INTS11: variants seen among roughly 807,000 people sequenced by gnomAD.
INTS11 encodes CPSF3-like protein.
INTS11 carries 77 observed loss-of-function variants against 78.6 expected under a neutral mutation model. The observed-to-expected ratio is 0.98, with a 90% CI of 0.81 to 1.18. INTS11 has a LOEUF of 1.18. Among genes scored for constraint, INTS11 ranks in the 50% most tolerant of loss-of-function variants. The pLI is 0.00. For synonymous variants in INTS11, 441 were observed against 326.9 expected (o/e 1.35, Z -3.77); for missense variants, 875 against 825.9 (o/e 1.06, Z -0.73).
chr1:1,320,615 G>A (rs1301076872), intron 2 of INTS11, 86 bp from the exon 3 acceptor site: 6 of 1,347,138 alleles, frequency 4.5e-6, no homozygotes, highest in Non-Finnish European at 3.2e-6. Flanking sequence ...GGGCCCCCAG[G>A]AAGGGGGGTT....
intron 4 of INTS11, among the ~76,000 whole-genome samples, chr1:1,318,085 T>C (rs1175469385): frequency 6.6e-6 from 1 of 152,062 alleles, no homozygotes; most frequent in Non-Finnish European, 1.5e-5. Context: ...TTAGCCAGGA[T>C]GGTCTCGATC....
chr1:1,319,185 T>C (rs1389526015), intron 4 of INTS11, 111 bp downstream of exon 4: 1 of 962,362 alleles, frequency 1.0e-6, no homozygotes, highest in Non-Finnish European at 1.7e-6. Context: ...TGAGGTGGGG[T>C]GGGCTCACCC....
chr1:1,315,185 A>C, intron 6 of INTS11: 1 of 719,268 alleles, frequency 1.4e-6, no homozygotes, highest in Non-Finnish European at 2.3e-6. Flanking sequence ...AGAGGCACCC[A>C]CCCAGAGACT....
rs1027229991 is a variant in INTS11, at chr1:1,312,091, G to A, written c.1664C>T (p.Ser555Phe). ...HLPDGSVTVE[S>F]VLLQAAAPSE... Reference sequence around the variant, plus strand: ...AGGGGCGGCGGCCTGGAGGAGGACGGACTCCACAGTCACAGAGCCGTCTGG... The same window carrying A: ...AGGGGCGGCGGCCTGGAGGAGGACGAACTCCACAGTCACAGAGCCGTCTGG... The change falls in exon 16 of 17, where the codon TCC (serine) becomes TTC (phenylalanine). Residue 555 changes from serine (S) to phenylalanine (F), a missense_variant. Ser to Phe is a radical substitution (Grantham distance 155). Transcript: ENST00000435064. 6.3e-7 allele frequency: 1 copy of A among 1,576,328 alleles called. No homozygotes were observed. Among genetic ancestry groups the A allele is most frequent in the African/African-American group, 1.3e-5 (1 of 74,688 alleles).
At chr1:1,316,836 A>AGGCGGGTGGATCAC (rs1359197231) in intron 4 of INTS11, 10 of 149,520 alleles carry the variant, frequency 6.7e-5, no homozygotes, top group Admixed American at 1.3e-4. Flanking sequence ...AGGCAGGAGA[A>AGGCGGGTGGATCAC]CTGCTTGAAC....
chr1:1,311,962 CAG>C (rs777098288), intron 16 of INTS11, 38 bp from the exon 17 acceptor site: 3 of 1,595,964 alleles, frequency 1.9e-6, no homozygotes, highest in Non-Finnish European at 1.7e-6. Context: ...TGGTGCAGGA[CAG>C]GGAGGAATGT....
intron 3 of INTS11, chr1:1,320,129 G>C (rs750171689): frequency 4.0e-5 from 12 of 300,712 alleles, no homozygotes; most frequent in Non-Finnish European, 7.6e-5. Flanking sequence ...CCTAAAGGCT[G>C]GGGTCAGGGC....
At chr1:1,323,313 G>A in intron 1 of INTS11, 1 of 1,536,694 alleles carries the variant, frequency 6.5e-7, no homozygotes, top group Non-Finnish European at 8.8e-7. Context: ...AGGACATCAG[G>A]ATGACTGGCC....
intron 1 of INTS11, 57 bp downstream of exon 1, chr1:1,324,524 C>A: frequency 6.5e-7 from 1 of 1,536,956 alleles, no homozygotes; most frequent in Admixed American, 1.8e-5. Context: ...GGCGCCCAGC[C>A]CGCCCGGAGC....
Position 1,321,027 on chromosome 1 carries a change from T to A in INTS11, c.95A>T (p.Asp32Val), listed in dbSNP as rs1325823066. The change falls in exon 2 of 17, where the codon GAC (aspartate) becomes GTC (valine). Residue 32 changes from aspartate (D) to valine (V), a missense_variant. Transcript: ENST00000435064. The part of the protein sequence containing the change: ...VSIAGKNVML[D>V]CGMHMGFNDD... The stretch of plus-strand genomic sequence containing the variant: ...ATTGAAGCCCATGTGCATTCCACAG[T>A]CCAGCATGACATTCTTGCCCGCAAT... 1 of 1,613,030 alleles carries A rather than the reference T, an allele frequency of 6.2e-7. No individual in the cohort carries two copies. The highest frequency in any genetic ancestry group is 8.5e-7 in the Non-Finnish European group (1 of 1,179,944).
At chr1:1,316,854 G>C (rs921557725) in intron 4 of INTS11, 1 of 149,952 alleles carries the variant, frequency 6.7e-6, no homozygotes, top group Non-Finnish European at 1.5e-5. Context: ...AACCCGGGAG[G>C]CGGAGGTTGC....
chr1:1,314,657 T>C lies in INTS11; in HGVS notation c.702+167A>G. On this transcript the variant is annotated intron_variant, in intron 7 of 16. Coordinates refer to ENST00000435064, the MANE Select transcript of INTS11 (RefSeq NM_017871.6). This position sits in a 1 kb window ranked among gnomAD's most constrained non-coding sequence, Gnocchi z 4.2. ...GGAAAAGGGGCTCCCTAGGAAAGGG[T>C]CTCTGAGTTTTCCTCCTCAATGTTG... 1.1e-6 allele frequency: 1 copy of C among 880,362 alleles called. No individual in the cohort carries two copies. Among genetic ancestry groups the C allele is most frequent in the Non-Finnish European group, 1.7e-6 (1 of 579,498 alleles). 54.5% of individuals were successfully genotyped at this position (880,362 alleles called of 1,614,324 possible).
chr1:1,313,465 T>C (rs1215309646), intron 10 of INTS11, 44 bp downstream of exon 10: 1 of 1,604,862 alleles, frequency 6.2e-7, no homozygotes, highest in Non-Finnish European at 8.5e-7. Flanking sequence ...GGACAACCCG[T>C]CGGCCTCCAG....
chr1:1,322,645 G>A (rs1643017419), intron 1 of INTS11: 2 of 127,364 alleles, frequency 1.6e-5, no homozygotes, highest in African/African-American at 3.1e-5. Flanking sequence ...CAGCAGGGAG[G>A]GACAGGCAGG....
Position 1,312,206 on chromosome 1 carries a change from G to GT in INTS11, c.1607+19_1607+20insA. The GT allele has an allele frequency of 4.3e-6, 5 of 1,161,212 alleles. No homozygotes were observed. Among genetic ancestry groups the GT allele is most frequent in the Non-Finnish European group, 6.1e-6 (5 of 826,254 alleles). 71.9% of individuals were successfully genotyped at this position (1,161,212 alleles called of 1,614,324 possible). On this transcript the variant is annotated intron_variant, in intron 15 of 16. Transcript: ENST00000435064. ...TCCAGGGCCCAAGGGAGTGGGGGGG[G>GT]GGCGGGGCCGGGCGCCCACCTCTTG...
At chr1:1,322,279 G>A (rs919981477) in intron 1 of INTS11, among the ~76,000 whole-genome samples, 7 of 151,574 alleles carry the variant, frequency 4.6e-5, no homozygotes, top group Admixed American at 2.6e-4. Flanking sequence ...CCCGCCTCCC[G>A]ACAGGACCCA....
chr1:1,314,766 C>G lies in INTS11; in HGVS notation c.702+58G>C, dbSNP rs1642473408. On this transcript the variant is annotated intron_variant, in intron 7 of 16. Coordinates refer to ENST00000435064, the MANE Select transcript of INTS11 (RefSeq NM_017871.6). The surrounding 1 kb of genome is among the most constrained non-coding windows in gnomAD (Gnocchi z 4.2). ...CCCATGCCAAGGGCAGCCAAGCCTG[C>G]CAGAAAGACCAGCCCAGCATGGCCG... 9 of 1,566,216 alleles carry G rather than the reference C, an allele frequency of 5.7e-6. No homozygotes were observed. The highest frequency in any genetic ancestry group is 1.7e-5 in the Admixed American group (1 of 57,184).
chr1:1,315,091 GC>G (rs1254082570), intron 6 of INTS11, 129 bp from the exon 7 acceptor site: 2 of 1,203,448 alleles, frequency 1.7e-6, no homozygotes, highest in Non-Finnish European at 2.3e-6. Context: ...GAAAGAGCCA[GC>G]TGGTAAAATG....
Position 1,315,450 on chromosome 1 carries a change from T to C in INTS11, c.529-12A>G, listed in dbSNP as rs201042730. The C allele has an allele frequency of 1.4e-5, 22 of 1,612,854 alleles. No homozygotes were observed. The South Asian group carries it at 1.8e-4, about 13-fold the overall frequency. On this transcript the variant is annotated splice_polypyrimidine_tract_variant and intron_variant, in intron 5 of 16. Coordinates refer to ENST00000435064, the MANE Select transcript of INTS11 (RefSeq NM_017871.6). ...ATGTTATAATCACCCTGGTGAACGA[T>C]CAAGGATGCCATGAGGAGGGTGCCT...
Sources: allele counts gnomAD v4.1 joint callset (sites outside exome capture counted in the v4.1 genomes callset), GRCh38; gene constraint gnomAD v4.1.1; non-coding constraint Gnocchi (gnomAD v3.1); transcripts MANE v1.5; gene names NCBI Gene and HGNC (gene_info 2026-07-23, HGNC 2026-07-21).